The following SDK1 variants were observed in gnomAD, a reference collection of about 807,000 sequenced individuals.
SDK1 encodes the protein protein sidekick-1.
SDK1 carries 157 observed loss-of-function variants against 245.5 expected under a neutral mutation model. The ratio of observed to expected loss-of-function variants is 0.64; its 90% CI spans 0.56 to 0.73. The LOEUF (loss-of-function observed/expected upper bound fraction) is 0.73. Ranked by LOEUF, SDK1 falls within the 30% of genes least tolerant of loss-of-function variation. SDK1 has a pLI of 0.00. For synonymous variants in SDK1, 1,647 were observed against 1,278.5 expected (o/e 1.29, Z -6.15); for missense variants, 3,583 against 3,002.3 (o/e 1.19, Z -4.52).
At chr7:3,344,595 A>C (rs778295102) in intron 1 of SDK1, among the ~76,000 whole-genome samples, 13 of 152,146 alleles carry the variant, frequency 8.5e-5, no homozygotes, top group Non-Finnish European at 1.8e-4. Context: ...AATAGAAGAT[A>C]CCCCAAAATT....
chr7:3,917,809 C>T (rs1779437531), intron 5 of SDK1, among the ~76,000 whole-genome samples: 1 of 152,162 alleles, frequency 6.6e-6, no homozygotes, highest in African/African-American at 2.4e-5. Context: ...TACACACATG[C>T]ACATGTATGT....
At chr7:3,317,381 T>C (rs1294206131) in intron 1 of SDK1, among the ~76,000 whole-genome samples, 2 of 152,138 alleles carry the variant, frequency 1.3e-5, no homozygotes, top group Non-Finnish European at 2.9e-5. Flanking sequence ...ATCTTGTGTT[T>C]TTATTTTTGT....
rs184680847 is a variant in SDK1, at chr7:3,653,038, A to G, written c.713+10933A>G. ...ACTTTGGCTATTCCATTCAGTGCCA[A>G]ACAGTGGACTTCTCCCCCACTTGGA... is the stretch of plus-strand genomic sequence containing the variant. On this transcript the variant is annotated intron_variant, in intron 4 of 44. Coordinates refer to ENST00000404826, the MANE Select transcript of SDK1 (RefSeq NM_152744.4). 2.5e-3 allele frequency among the ~76,000 whole-genome samples: 374 copies of G among 152,316 alleles called. 3 individuals carry two copies. Among genetic ancestry groups the G allele is most frequent in the South Asian group, 0.018 (86 of 4,816 alleles).
At chr7:3,678,398 A>C (rs889210565) in intron 4 of SDK1, among the ~76,000 whole-genome samples, 21 of 152,236 alleles carry the variant, frequency 1.4e-4, no homozygotes, top group Non-Finnish European at 2.4e-4. Context: ...ATGGATTAAC[A>C]AAATATGGTC....
intron 22 of SDK1, among the ~76,000 whole-genome samples, chr7:4,108,146 G>T (rs1320301658): frequency 6.6e-6 from 1 of 152,174 alleles, no homozygotes; most frequent in Non-Finnish European, 1.5e-5. Flanking sequence ...ATCAGGATTG[G>T]ATGGTTCCAG....
At chr7:3,725,974 T>A (rs1429709141) in intron 4 of SDK1, among the ~76,000 whole-genome samples, 3 of 152,208 alleles carry the variant, frequency 2.0e-5, no homozygotes, top group African/African-American at 7.2e-5. Flanking sequence ...GGAGCCAATA[T>A]CTCAGTGCAA....
intron 4 of SDK1, among the ~76,000 whole-genome samples, chr7:3,736,176 C>A (rs999814063): frequency 3.3e-5 from 5 of 152,170 alleles, no homozygotes; most frequent in African/African-American, 1.2e-4. Context: ...TTTGATGGCA[C>A]AGAATTTTTA....
chr7:4,207,844 T>C (rs1784311545), intron 36 of SDK1, among the ~76,000 whole-genome samples: 1 of 152,142 alleles, frequency 6.6e-6, no homozygotes, highest in African/African-American at 2.4e-5. Context: ...GAGGCAATGC[T>C]CATACTCTAG....
intron 32 of SDK1, among the ~76,000 whole-genome samples, chr7:4,164,853 C>A (rs1781399316): frequency 6.6e-6 from 1 of 152,156 alleles, no homozygotes; most frequent in African/African-American, 2.4e-5. Flanking sequence ...AAACTAATTG[C>A]AAGAAGACCA....
intron 19 of SDK1, among the ~76,000 whole-genome samples, chr7:4,066,935 C>T (rs1779944868): frequency 6.6e-6 from 1 of 152,126 alleles, no homozygotes; most frequent in African/African-American, 2.4e-5. Flanking sequence ...TTTAGACTCT[C>T]AGGTCTTTTC....
intron 4 of SDK1, among the ~76,000 whole-genome samples, chr7:3,722,742 C>A (rs919137628): frequency 1.3e-5 from 2 of 152,158 alleles, no homozygotes; most frequent in African/African-American, 4.8e-5. Context: ...TCCTCAGATC[C>A]GGGGACTCGC....
Position 3,723,902 on chromosome 7 carries a change from ACACGTACATATATATATACACG to A in SDK1, c.713+81798_713+81819del, listed in dbSNP as rs1562397633. Reference sequence around the variant, plus strand: ...TACATATATATATACACGTGTATATACACGTACATATATATATACACGTATATATATATATATATATAGAGAG... The same window carrying A: ...TACATATATATATACACGTGTATATATATATATATATATATATATAGAGAG... On this transcript the variant is annotated intron_variant, in intron 4 of 44. Coordinates refer to ENST00000404826, the MANE Select transcript of SDK1 (RefSeq NM_152744.4). Among the ~76,000 whole-genome samples, 58 of 131,484 alleles carry A rather than the reference ACACGTACATATATATATACACG, an allele frequency of 4.4e-4. 2 individuals carry two copies. Among genetic ancestry groups the A allele is most frequent in the Non-Finnish European group, 7.1e-4 (45 of 63,442 alleles). The allele number at this position is 131,484 out of a possible 152,430, so 86.3% of individuals were successfully genotyped here. A position where few individuals can be genotyped will look rare whatever the true frequency, so the allele number is the denominator to read the frequency against.
Position 3,738,835 on chromosome 7 carries a change from T to C in SDK1, c.714-82615T>C, listed in dbSNP as rs533390994. 3.0e-4 allele frequency among the ~76,000 whole-genome samples: 45 copies of C among 152,280 alleles called. 1 individual carries two copies. Among genetic ancestry groups the C allele is most frequent in the African/African-American group, 1.1e-3 (45 of 41,600 alleles). ...TTAATTTCCTTTTATTTGTTGTTAA[T>C]GTGTAGAAACACAACTGTTGTTCAT... On this transcript the variant is annotated intron_variant, in intron 4 of 44. Transcript: ENST00000404826.
intron 1 of SDK1, among the ~76,000 whole-genome samples, chr7:3,313,456 T>C (rs1020907513): frequency 1.2e-4 from 19 of 152,194 alleles, no homozygotes; most frequent in African/African-American, 4.3e-4. Context: ...TGATGATTAG[T>C]AGTTGGAACT....
At chr7:3,873,082 C>T (rs1003772462) in intron 5 of SDK1, among the ~76,000 whole-genome samples, 6 of 152,056 alleles carry the variant, frequency 3.9e-5, no homozygotes, top group African/African-American at 1.2e-4. Context: ...CTATATCATA[C>T]TCCTTTTGCC....
chr7:3,922,080 C>G (rs758833766), intron 5 of SDK1, among the ~76,000 whole-genome samples: 2 of 152,242 alleles, frequency 1.3e-5, no homozygotes, highest in African/African-American at 2.4e-5. Flanking sequence ...CTCTTCTTTA[C>G]CAGCCTGGTT....
chr7:3,959,129 G>C (rs2128128478), intron 8 of SDK1, 115 bp downstream of exon 8: 1 of 829,590 alleles, frequency 1.2e-6, no homozygotes, highest in Non-Finnish European at 2.1e-6. Context: ...ATGGCGAAGA[G>C]CAGACTTCAG....
chr7:4,268,464 T>G lies in SDK1; in HGVS notation c.*3080T>G, dbSNP rs1437953845. 1 of 1,154,116 alleles carries G rather than the reference T, an allele frequency of 8.7e-7. No homozygotes were observed. The highest frequency in any genetic ancestry group is 1.7e-5 in the South Asian group (1 of 58,154). The allele number at this position is 1,154,116 out of a possible 1,614,324, so 71.5% of individuals were successfully genotyped here. On this transcript the variant is annotated 3_prime_UTR_variant, in exon 45 of 45. Transcript: ENST00000404826. ...CCAGCCTGCTTTTATAAGGCGCACT[T>G]CACTCAATGCTGTAGCCAAAAAACG...
intron 1 of SDK1, among the ~76,000 whole-genome samples, chr7:3,413,287 C>A (rs1419237049): frequency 6.6e-6 from 1 of 152,128 alleles, no homozygotes; most frequent in Non-Finnish European, 1.5e-5. Context: ...CAGAGGGGAG[C>A]AGGGCATAGC....
Sources: gnomAD v4.1 joint callset for allele counts (sites outside exome capture counted in the v4.1 genomes callset) on GRCh38, gnomAD v4.1.1 for gene constraint, MANE v1.5 for transcripts, NCBI Gene and HGNC (gene_info 2026-07-23, HGNC 2026-07-21) for gene names.